The following PALLD variants were observed in gnomAD, a reference collection of about 807,000 sequenced individuals.
PALLD encodes palladin, cytoskeletal associated protein.
In PALLD, 61 loss-of-function variants were observed where a neutral mutation model predicts 123.5. The ratio of observed to expected loss-of-function variants is 0.49; its 90% CI spans 0.40 to 0.61. The LOEUF (loss-of-function observed/expected upper bound fraction) is 0.61, where lower values mean the gene tolerates loss of function less well. PALLD is among the 20% of genes least tolerant of loss of function. The pLI, the probability that PALLD is intolerant of heterozygous loss-of-function variation, is 0.00. For missense variants in PALLD, 1,273 were observed against 1,377.0 expected, an observed-to-expected ratio of 0.92 and a Z score of 1.20; for synonymous variants, 465 against 496.4, an observed-to-expected ratio of 0.94 and a Z score of 0.84.
At chr4:168,921,408 A>C in intron 17 of PALLD, 126 bp from the exon 18 acceptor site, 2 of 177,696 alleles carry the variant, frequency 1.1e-5, no homozygotes, top group South Asian at 1.7e-4. Flanking sequence ...ACTCTGTCCA[A>C]AAAAAAAAAA....
At position 168,543,456 on chromosome 4, in the gene PALLD, C is replaced by G. The variant is rs189936764; in HGVS notation, c.908+31044C>G. On this transcript the variant is annotated intron_variant, in intron 2 of 21. Coordinates refer to ENST00000505667, the MANE Select transcript of PALLD (RefSeq NM_001166108.2). ...TAGTTTAATGTATAAAACACAATCT[C>G]TGTAAGTTTTCCTCTATTCTGCCTC... Among the ~76,000 whole-genome samples, 851 of 151,844 alleles carry G rather than the reference C, an allele frequency of 5.6e-3. 4 individuals are homozygous for G. Among genetic ancestry groups the G allele is most frequent in the Non-Finnish European group, 9.3e-3 (633 of 67,974 alleles).
chr4:168,513,833 A>G lies in PALLD; in HGVS notation c.908+1421A>G, dbSNP rs529037486. 2.6e-5 allele frequency among the ~76,000 whole-genome samples: 4 copies of G among 152,336 alleles called. No individual in the cohort carries two copies. In the South Asian group the frequency reaches 8.3e-4, roughly 32 times the overall value. The stretch of plus-strand genomic sequence containing the variant: ...AAAAGTTAACTCAAGGGCCAGGCAC[A>G]GTGGCTCATGCCTGTAATTCCAGCA... On this transcript the variant is annotated intron_variant, in intron 2 of 21. Coordinates refer to ENST00000505667, the MANE Select transcript of PALLD (RefSeq NM_001166108.2).
At chr4:168,888,968 G>A (rs1753751516) in intron 10 of PALLD, among the ~76,000 whole-genome samples, 1 of 152,092 alleles carries the variant, frequency 6.6e-6, no homozygotes, top group East Asian at 1.9e-4. Context: ...CAGAGTTTCT[G>A]CTGCATACTT....
intron 10 of PALLD, among the ~76,000 whole-genome samples, chr4:168,758,777 T>G (rs1347804580): frequency 6.6e-6 from 1 of 152,058 alleles, no homozygotes; most frequent in Non-Finnish European, 1.5e-5. Flanking sequence ...CATCCCCCAC[T>G]TGTGCATAGT....
chr4:168,702,057 T>G (rs1028695464), intron 8 of PALLD, among the ~76,000 whole-genome samples: 1 of 152,176 alleles, frequency 6.6e-6, no homozygotes, highest in Non-Finnish European at 1.5e-5. Flanking sequence ...CATGAATCAT[T>G]TGGATAATGA....
intron 10 of PALLD, among the ~76,000 whole-genome samples, chr4:168,791,625 C>T (rs910705946): frequency 3.9e-5 from 6 of 152,132 alleles, no homozygotes; most frequent in East Asian, 1.9e-4. Context: ...TCCCTTGACA[C>T]GTAAGGATTA....
chr4:168,873,267 A>T (rs1751317807), intron 10 of PALLD, among the ~76,000 whole-genome samples: 1 of 152,186 alleles, frequency 6.6e-6, no homozygotes, highest in East Asian at 1.9e-4. Context: ...TACCCTCCTT[A>T]CTTTTAAAGT....
At chr4:168,740,008 AC>A (rs1788172002) in intron 10 of PALLD, among the ~76,000 whole-genome samples, 1 of 152,204 alleles carries the variant, frequency 6.6e-6, no homozygotes, top group Non-Finnish European at 1.5e-5. Context: ...GCTTATATAA[AC>A]AACAGGCAGC....
chr4:168,567,565 G>GTGTGTT, intron 2 of PALLD, among the ~76,000 whole-genome samples: 1 of 149,926 alleles, frequency 6.7e-6, no homozygotes, highest in South Asian at 2.1e-4. Flanking sequence ...GTGTGTGTGT[G>GTGTGTT]TGTATGTAGA....
At chr4:168,513,434 T>C (rs1372241115) in intron 2 of PALLD, among the ~76,000 whole-genome samples, 1 of 152,190 alleles carries the variant, frequency 6.6e-6, no homozygotes, top group African/African-American at 2.4e-5. Flanking sequence ...TACCTTCCCC[T>C]GAGCAAAAAT....
At chr4:168,734,925 TAG>T (rs113680242) in intron 10 of PALLD, among the ~76,000 whole-genome samples, 3,400 of 146,472 alleles carry the variant, frequency 0.023, 125 homozygotes, top group African/African-American at 0.077. Flanking sequence ...CCCCATCTCT[TAG>T]AGAGAGAGAG....
At position 168,827,838 on chromosome 4, in the gene PALLD, G is replaced by A. The variant is rs555996165; in HGVS notation, c.1965-63084G>A. 7.9e-5 allele frequency among the ~76,000 whole-genome samples: 12 copies of A among 152,288 alleles called. No individual in the cohort carries two copies. The East Asian group carries it at 1.9e-3, about 24-fold the overall frequency. On this transcript the variant is annotated intron_variant, in intron 10 of 21. Transcript: ENST00000505667. ...AGGCAGATCACAAGATCAGAAGTTC[G>A]AGACCAGTCTGGCCCACATAGTGAA...
intron 10 of PALLD, among the ~76,000 whole-genome samples, chr4:168,741,890 A>C (rs553055764): frequency 6.6e-6 from 1 of 152,156 alleles, no homozygotes; most frequent in Non-Finnish European, 1.5e-5. Flanking sequence ...ACCAGTCTTC[A>C]TTGACAGCTG....
intron 2 of PALLD, among the ~76,000 whole-genome samples, chr4:168,531,531 T>C (rs1764599680): frequency 6.6e-6 from 1 of 152,118 alleles, no homozygotes; most frequent in African/African-American, 2.4e-5. Context: ...GGACACTGAG[T>C]GATACCATTC....
intron 2 of PALLD, among the ~76,000 whole-genome samples, chr4:168,571,667 G>A (rs919018715): frequency 6.6e-6 from 1 of 152,066 alleles, no homozygotes; most frequent in African/African-American, 2.4e-5. Flanking sequence ...ACAATTTTTA[G>A]CATTCTTTAG....
intron 10 of PALLD, among the ~76,000 whole-genome samples, chr4:168,793,154 T>G (rs1435652766): frequency 7.1e-6 from 1 of 141,072 alleles, no homozygotes; most frequent in Non-Finnish European, 1.5e-5. Flanking sequence ...TATGTGTGCA[T>G]ATATATACAT....
intron 2 of PALLD, among the ~76,000 whole-genome samples, chr4:168,553,686 TTTG>T (rs147504799): frequency 0.15 from 22,108 of 151,792 alleles, 1,880 homozygotes; most frequent in South Asian, 0.21. Context: ...TTTACCCATT[TTTG>T]TTGTTGTTGT....
intron 2 of PALLD, among the ~76,000 whole-genome samples, chr4:168,568,072 A>T (rs1056828570): frequency 3.3e-5 from 5 of 152,050 alleles, no homozygotes; most frequent in Non-Finnish European, 5.9e-5. Context: ...TAAAAGCTGA[A>T]ATTTCTTACT....
intron 2 of PALLD, among the ~76,000 whole-genome samples, chr4:168,579,462 T>C (rs1561268335): frequency 6.6e-6 from 1 of 152,196 alleles, no homozygotes; most frequent in Non-Finnish European, 1.5e-5. Context: ...GCAGCAATTT[T>C]TTTTAGCTAT....
Sources: gnomAD v4.1 joint callset for allele counts (sites outside exome capture counted in the v4.1 genomes callset) on GRCh38, gnomAD v4.1.1 for gene constraint, MANE v1.5 for transcripts, NCBI Gene and HGNC (gene_info 2026-07-23, HGNC 2026-07-21) for gene names.